DLG2: variants seen among roughly 807,000 people sequenced by gnomAD.
DLG2 encodes disks large homolog 2.
In DLG2, 45 loss-of-function variants were observed where a neutral mutation model predicts 132.5. The ratio of observed to expected loss-of-function variants is 0.34; its 90% CI spans 0.27 to 0.44. DLG2 has a LOEUF of 0.44. DLG2 is among the 20% of genes least tolerant of loss of function. The pLI, the probability that DLG2 is intolerant of heterozygous loss-of-function variation, is 1.00. For missense variants in DLG2, 1,045 were observed against 1,196.9 expected (o/e 0.87, Z 1.87); for synonymous variants, 424 against 419.6 (o/e 1.01, Z -0.13).
At chr11:84,567,725 T>C (rs1263811094) in intron 6 of DLG2, among the ~76,000 whole-genome samples, 5 of 152,218 alleles carry the variant, frequency 3.3e-5, no homozygotes, top group African/African-American at 4.8e-5. Flanking sequence ...TCAATAATTA[T>C]GTCAGAAAGA....
intron 6 of DLG2, among the ~76,000 whole-genome samples, chr11:84,766,578 A>T (rs958588265): frequency 6.6e-6 from 1 of 152,054 alleles, no homozygotes; most frequent in African/African-American, 2.4e-5. Context: ...ATAATTGTTA[A>T]ACAAATACGT....
At chr11:83,837,501 C>T (rs2056514414) in intron 16 of DLG2, among the ~76,000 whole-genome samples, 1 of 152,096 alleles carries the variant, frequency 6.6e-6, no homozygotes, top group Non-Finnish European at 1.5e-5. Flanking sequence ...TAGCTCTCGG[C>T]ATAGCACTAC....
rs138958904 is a variant in DLG2, at chr11:84,469,364, A to T, written c.519+65206T>A. ...GAAACAATCTATACCTATCCATAAA[A>T]CATTAGGCTGATGGCACAGGAAAGC... On this transcript the variant is annotated intron_variant, in intron 7 of 27. Coordinates refer to ENST00000376104, the MANE Select transcript of DLG2 (RefSeq NM_001142699.3). Among the ~76,000 whole-genome samples the T allele has an allele frequency of 3.0e-3, 453 of 151,718 alleles. 9 individuals are homozygous for T. Among genetic ancestry groups the T allele is most frequent in the African/African-American group, 9.7e-3 (402 of 41,468 alleles).
intron 7 of DLG2, among the ~76,000 whole-genome samples, chr11:84,511,236 T>C (rs1044101585): frequency 1.3e-5 from 2 of 152,272 alleles, no homozygotes; most frequent in South Asian, 4.1e-4. Context: ...TTGTCTTTCA[T>C]AATATTTTAT....
chr11:85,021,380 G>A (rs1300816752), intron 6 of DLG2: 23 of 1,346,984 alleles, frequency 1.7e-5, no homozygotes, highest in South Asian at 2.3e-5. Flanking sequence ...GCTTTTCCTC[G>A]GTTCACTTTT....
chr11:85,383,831 T>C (rs1002342722), intron 3 of DLG2, among the ~76,000 whole-genome samples: 7 of 152,180 alleles, frequency 4.6e-5, no homozygotes, highest in African/African-American at 1.7e-4. Context: ...AACTTCCCTA[T>C]AGGCTTCCCA....
At chr11:84,899,478 C>A (rs1355913156) in intron 6 of DLG2, among the ~76,000 whole-genome samples, 1 of 152,056 alleles carries the variant, frequency 6.6e-6, no homozygotes, top group Non-Finnish European at 1.5e-5. Context: ...AGGGACCTCA[C>A]CGTGCAACAA....
chr11:84,050,867 A>G (rs2096360673), intron 11 of DLG2, among the ~76,000 whole-genome samples: 1 of 151,938 alleles, frequency 6.6e-6, no homozygotes, highest in African/African-American at 2.4e-5. Flanking sequence ...GTTCTGTTGC[A>G]TTGGTCTACA....
chr11:84,098,878 C>A (rs1286948858), intron 10 of DLG2, 45 bp downstream of exon 10: 11 of 1,596,884 alleles, frequency 6.9e-6, no homozygotes, highest in Non-Finnish European at 9.4e-6. Flanking sequence ...CTCATTGATG[C>A]AGCAGATTTA....
chr11:84,721,264 G>A (rs2061807157), intron 6 of DLG2, among the ~76,000 whole-genome samples: 1 of 152,190 alleles, frequency 6.6e-6, no homozygotes, highest in Non-Finnish European at 1.5e-5. Flanking sequence ...GGCTCAAAAT[G>A]ATTTCGCTGG....
intron 3 of DLG2, among the ~76,000 whole-genome samples, chr11:85,535,772 T>C (rs1003077690): frequency 6.6e-6 from 1 of 152,168 alleles, no homozygotes; most frequent in Non-Finnish European, 1.5e-5. Flanking sequence ...AAATAAAATA[T>C]GATATATTCA....
At chr11:83,721,278 C>T (rs2088482004) in intron 18 of DLG2, among the ~76,000 whole-genome samples, 2 of 152,242 alleles carry the variant, frequency 1.3e-5, no homozygotes, top group Non-Finnish European at 2.9e-5. Flanking sequence ...TAACTACAGA[C>T]ATTTTTTATT....
chr11:85,433,382 G>C (rs2091300503), intron 3 of DLG2, among the ~76,000 whole-genome samples: 1 of 152,134 alleles, frequency 6.6e-6, no homozygotes. Flanking sequence ...AAATTGGATA[G>C]AGTCAAAACC....
intron 9 of DLG2, among the ~76,000 whole-genome samples, chr11:84,127,350 T>A (rs1327323832): frequency 6.6e-6 from 1 of 152,186 alleles, no homozygotes; most frequent in Non-Finnish European, 1.5e-5. Flanking sequence ...TACATTTAGC[T>A]CCGAATTAAC....
chr11:84,073,579 A>G (rs1479856024), intron 10 of DLG2, among the ~76,000 whole-genome samples: 1 of 152,206 alleles, frequency 6.6e-6, no homozygotes, highest in Non-Finnish European at 1.5e-5. Context: ...GTGGGGATTT[A>G]CAAATTCACA....
chr11:84,757,623 T>G (rs1638692190), intron 6 of DLG2, among the ~76,000 whole-genome samples: 1 of 152,172 alleles, frequency 6.6e-6, no homozygotes, highest in Non-Finnish European at 1.5e-5. Context: ...ATGAGGATGA[T>G]GATGGTGATG....
chr11:85,026,599 A>T (rs879758314), intron 6 of DLG2, among the ~76,000 whole-genome samples: 13 of 152,254 alleles, frequency 8.5e-5, no homozygotes, highest in Non-Finnish European at 1.5e-4. Flanking sequence ...GCACTTTAGG[A>T]GGCCGAGGCA....
At position 84,856,634 on chromosome 11, in the gene DLG2, G is replaced by C. The variant is rs184112951; in HGVS notation, c.357+255027C>G. On this transcript the variant is annotated intron_variant, in intron 6 of 27. Coordinates refer to ENST00000376104, the MANE Select transcript of DLG2 (RefSeq NM_001142699.3). ...ACTCATTTTAATTTTCTCATGGCTA[G>C]TCACCTCACTTCCATGCTTGTCAGT... Among the ~76,000 whole-genome samples, 480 of 152,022 alleles carry C rather than the reference G, an allele frequency of 3.2e-3. 1 individual carries two copies. The highest frequency in any genetic ancestry group is 4.8e-3 in the Non-Finnish European group (328 of 67,964).
intron 17 of DLG2, among the ~76,000 whole-genome samples, chr11:83,806,890 A>T (rs1188657552): frequency 6.6e-6 from 1 of 152,178 alleles, no homozygotes; most frequent in African/African-American, 2.4e-5. Flanking sequence ...GAGGAGAATA[A>T]TATAGCAGAC....
Sources: gnomAD v4.1 joint callset for allele counts (sites outside exome capture counted in the v4.1 genomes callset) on GRCh38, gnomAD v4.1.1 for gene constraint, MANE v1.5 for transcripts, NCBI Gene and HGNC (gene_info 2026-07-23, HGNC 2026-07-21) for gene names.